PDZD2: variants seen among roughly 807,000 people sequenced by gnomAD.
PDZD2 encodes the protein PDZ domain containing 2.
A neutral mutation model predicts 220.7 loss-of-function variants in PDZD2; 90 were observed. The ratio of observed to expected loss-of-function variants is 0.41; its 90% CI spans 0.34 to 0.49. The LOEUF (loss-of-function observed/expected upper bound fraction) is 0.49. Among genes scored for constraint, PDZD2 ranks in the 20% least tolerant of loss-of-function variants. The probability of loss-of-function intolerance (pLI) is 0.28; values close to 1 mark genes in which losing one functional copy is unlikely to be tolerated. For missense variants in PDZD2, 3,174 were observed against 3,608.5 expected (o/e 0.88, Z 3.08); for synonymous variants, 1,375 against 1,450.5 (o/e 0.95, Z 1.18).
chr5:31,971,185 C>T (rs556503157), intron 2 of PDZD2, among the ~76,000 whole-genome samples: 6 of 152,298 alleles, frequency 3.9e-5, no homozygotes, highest in South Asian at 4.1e-4. Flanking sequence ...ACTTATTTCT[C>T]ACAGTTCTGG....
chr5:31,884,587 A>G (rs1431080288), intron 2 of PDZD2, among the ~76,000 whole-genome samples: 3 of 150,802 alleles, frequency 2.0e-5, no homozygotes, highest in Non-Finnish European at 1.5e-5. Flanking sequence ...ACGTCATTGT[A>G]TTGTGTTTTT....
intron 2 of PDZD2, among the ~76,000 whole-genome samples, chr5:31,856,021 G>A (rs1193718698): frequency 1.3e-5 from 2 of 152,142 alleles, no homozygotes; most frequent in Non-Finnish European, 2.9e-5. Flanking sequence ...CATAGAAATA[G>A]GCCAGGCTGA....
intron 8 of PDZD2, among the ~76,000 whole-genome samples, chr5:32,052,009 T>G (rs1439468582): frequency 6.6e-6 from 1 of 152,184 alleles, no homozygotes; most frequent in Non-Finnish European, 1.5e-5. Flanking sequence ...GCCTCTTGTT[T>G]CTGCTTCCTG....
chr5:32,015,069 GTAGC>G (rs963382966), intron 6 of PDZD2, among the ~76,000 whole-genome samples: 6 of 151,438 alleles, frequency 4.0e-5, no homozygotes, highest in African/African-American at 1.5e-4. Flanking sequence ...AGCCTCCTGA[GTAGC>G]TGGCACTACA....
rs943734944 is a variant in PDZD2 at position 31,823,425 on chromosome 5, G to A, written c.476+23701G>A. Among the ~76,000 whole-genome samples, 8 of 152,200 alleles carry A rather than the reference G, an allele frequency of 5.3e-5. No homozygotes were observed. In the South Asian group the frequency reaches 6.2e-4, roughly 12 times the overall value. On this transcript the variant is annotated intron_variant, in intron 2 of 24. Transcript: ENST00000438447. ...GGAGGTTGCAGTGAGCCAAGATCGC[G>A]CCATTGCACTCCATCCTGGGAGACA...
rs147023896 is a variant in PDZD2, at chr5:31,873,861, G to A, written c.476+74137G>A. 4.8e-3 allele frequency among the ~76,000 whole-genome samples: 725 copies of A among 152,116 alleles called. 5 individuals are homozygous for A. The highest frequency in any genetic ancestry group is 0.017 in the South Asian group (83 of 4,804). ...TTCTCCTGCCTTAGCCTCCTGAGTA[G>A]CTGGGAGTACAGGCATGCATCACCA... is the stretch of plus-strand genomic sequence containing the variant. On this transcript the variant is annotated intron_variant, in intron 2 of 24. Coordinates refer to ENST00000438447, the MANE Select transcript of PDZD2 (RefSeq NM_178140.4).
At chr5:31,995,344 C>A (rs1561291717) in intron 3 of PDZD2, among the ~76,000 whole-genome samples, 1 of 152,184 alleles carries the variant, frequency 6.6e-6, no homozygotes. Flanking sequence ...CTGGTGGCTC[C>A]GTCTTGGATG....
chr5:32,018,952 G>A (rs1250838817), intron 6 of PDZD2, among the ~76,000 whole-genome samples: 1 of 152,142 alleles, frequency 6.6e-6, no homozygotes, highest in Non-Finnish European at 1.5e-5. Flanking sequence ...ATTTAAGTGG[G>A]TGGAGGAAGA....
intron 5 of PDZD2, among the ~76,000 whole-genome samples, chr5:32,007,502 G>T (rs1052844102): frequency 6.6e-6 from 1 of 151,986 alleles, no homozygotes; most frequent in Non-Finnish European, 1.5e-5. Context: ...AACAATATAG[G>T]ATTCACAATT....
chr5:32,102,258 G>A (rs1182355721), intron 24 of PDZD2, among the ~76,000 whole-genome samples: 1 of 152,102 alleles, frequency 6.6e-6, no homozygotes, highest in Non-Finnish European at 1.5e-5. Context: ...TGCACTGCAG[G>A]CTGGGGCCCA....
chr5:31,665,222 C>T (rs767436104), intron 1 of PDZD2, among the ~76,000 whole-genome samples: 5 of 71,230 alleles, frequency 7.0e-5, no homozygotes, highest in African/African-American at 2.1e-4. Context: ...TTGATTTCAC[C>T]TCTCCAGCCT....
At chr5:32,003,908 C>T (rs1426612248) in intron 5 of PDZD2, among the ~76,000 whole-genome samples, 3 of 152,066 alleles carry the variant, frequency 2.0e-5, no homozygotes, top group Non-Finnish European at 2.9e-5. Flanking sequence ...GACGGGGTTT[C>T]GCCATGTTGG....
chr5:31,992,484 C>T (rs1298688502), intron 3 of PDZD2, among the ~76,000 whole-genome samples: 6 of 151,950 alleles, frequency 3.9e-5, no homozygotes, highest in Admixed American at 6.6e-5. Context: ...CCATGAACAT[C>T]GTTTTGCATG....
chr5:32,025,640 C>G (rs1354982472), intron 6 of PDZD2, among the ~76,000 whole-genome samples: 1 of 100,488 alleles, frequency 1.0e-5, no homozygotes, highest in Non-Finnish European at 1.9e-5. Flanking sequence ...TCACTCTTGT[C>G]ACCCAGGCTG....
chr5:32,003,528 GCA>G (rs148162289), intron 5 of PDZD2, among the ~76,000 whole-genome samples: 6 of 112,082 alleles, frequency 5.4e-5, no homozygotes, highest in South Asian at 6.2e-4. Context: ...ACACACACAC[GCA>G]CACACACACA....
At chr5:31,680,714 C>T (rs29738) in intron 1 of PDZD2, among the ~76,000 whole-genome samples, 38,306 of 151,896 alleles carry the variant, frequency 0.25, 5,029 homozygotes, top group South Asian at 0.39. Flanking sequence ...TCAGGACGTG[C>T]GAGCTTAATT....
At chr5:32,014,183 A>AGAT (rs1250324163) in intron 6 of PDZD2, among the ~76,000 whole-genome samples, 5 of 152,354 alleles carry the variant, frequency 3.3e-5, no homozygotes, top group Non-Finnish European at 7.3e-5. Context: ...TTTAGTTCAC[A>AGAT]GATGATGATG....
chr5:31,727,439 G>C (rs1749217591), intron 1 of PDZD2, among the ~76,000 whole-genome samples: 1 of 152,196 alleles, frequency 6.6e-6, no homozygotes, highest in African/African-American at 2.4e-5. Context: ...GGGCGCGGTG[G>C]CTCACGCCTG....
rs376543105 is a variant in PDZD2, at chr5:31,800,307, T to G, written c.476+583T>G. On this transcript the variant is annotated intron_variant, in intron 2 of 24. Coordinates refer to ENST00000438447, the MANE Select transcript of PDZD2 (RefSeq NM_178140.4). ...AGTCCGTGGAGACCAGGCACAAGCTTCCAGTTGTCTCTCCCAGTGGAGTTG... is the reference window on the plus strand; with the variant it reads ...AGTCCGTGGAGACCAGGCACAAGCTGCCAGTTGTCTCTCCCAGTGGAGTTG... 1.3e-4 allele frequency among the ~76,000 whole-genome samples: 20 copies of G among 152,272 alleles called. No homozygotes were observed. The East Asian group carries it at 3.9e-3, about 29-fold the overall frequency.
Sources: gnomAD v4.1 joint callset for allele counts (sites outside exome capture counted in the v4.1 genomes callset) on GRCh38, gnomAD v4.1.1 for gene constraint, MANE v1.5 for transcripts, NCBI Gene and HGNC (gene_info 2026-07-23, HGNC 2026-07-21) for gene names.